Variants in ARL15 observed in about 807,000 individuals in gnomAD.
The protein encoded by ARL15 is ADP-ribosylation factor-like protein 15.
Under a neutral mutation model 25.2 loss-of-function variants are expected in ARL15, and 19 were observed. The observed-to-expected ratio is 0.75, with a 90% CI of 0.53 to 1.10. ARL15 has a LOEUF of 1.10. Among genes scored for constraint, ARL15 ranks in the 50% least tolerant of loss-of-function variants. ARL15 has a pLI of 0.00. For missense variants in ARL15, 220 were observed against 246.0 expected, an observed-to-expected ratio of 0.89 and a Z score of 0.71; for synonymous variants, 94 against 86.8, an observed-to-expected ratio of 1.08 and a Z score of -0.46.
chr5:53,916,427 G>T (rs969818494), intron 4 of ARL15, among the ~76,000 whole-genome samples: 1 of 111,566 alleles, frequency 9.0e-6, no homozygotes, highest in Non-Finnish European at 1.9e-5. Flanking sequence ...GTGACAAAAT[G>T]ATTTGTACAC....
rs1580048842 is a variant in ARL15, at chr5:53,886,015, T to C, written c.*546A>G. 6.6e-6 allele frequency: 1 copy of C among 151,252 alleles called. No homozygotes were observed. Among genetic ancestry groups the C allele is most frequent in the Non-Finnish European group, 1.5e-5 (1 of 67,926 alleles). 9.4% of individuals were successfully genotyped at this position (151,252 alleles called of 1,614,324 possible). A position where few individuals can be genotyped will look rare whatever the true frequency, so the allele number is the denominator to read the frequency against. ...GGCAGGATATTCCTTCCTGATAAGG[T>C]GATTAATGAAGTTTTTGGTGCTCAC... On this transcript the variant is annotated 3_prime_UTR_variant, in exon 5 of 5. Transcript: ENST00000504924.
chr5:53,893,497 C>A (rs538030120), intron 4 of ARL15, among the ~76,000 whole-genome samples: 15 of 152,066 alleles, frequency 9.9e-5, no homozygotes, highest in African/African-American at 2.9e-4. Context: ...AGTCCCAGCT[C>A]CTCGGGAGGC....
At chr5:54,123,286 T>C (rs1259171005) in intron 3 of ARL15, among the ~76,000 whole-genome samples, 2 of 152,212 alleles carry the variant, frequency 1.3e-5, no homozygotes, top group East Asian at 1.9e-4. Context: ...ATTTTTTGTA[T>C]TTTTAGTAGA....
chr5:54,000,231 C>A (rs1748809300), intron 4 of ARL15, among the ~76,000 whole-genome samples: 7 of 152,140 alleles, frequency 4.6e-5, no homozygotes, highest in Admixed American at 4.6e-4. Context: ...CAGATTCTCT[C>A]CCCTGACTAT....
intron 2 of ARL15, among the ~76,000 whole-genome samples, chr5:54,155,680 T>TCACACACACACACACACACACACA (rs58416810): frequency 4.7e-5 from 7 of 149,938 alleles, no homozygotes; most frequent in Admixed American, 1.3e-4. Context: ...ATATACCCAT[T>TCACACACACACACACACACACACA]CACACACACA....
chr5:53,970,953 A>G (rs1424584910), intron 4 of ARL15, among the ~76,000 whole-genome samples: 4 of 152,212 alleles, frequency 2.6e-5, no homozygotes, highest in Non-Finnish European at 4.4e-5. Flanking sequence ...TAGTTGGGAG[A>G]CATTTCACTT....
At chr5:54,094,040 G>A (rs1189749392) in intron 4 of ARL15, among the ~76,000 whole-genome samples, 2 of 152,100 alleles carry the variant, frequency 1.3e-5, no homozygotes, top group Admixed American at 1.3e-4. Flanking sequence ...CAGATGAAAG[G>A]CATTTCAGAT....
At position 54,186,871 on chromosome 5, in the gene ARL15, C is replaced by CTT. The variant is rs562016960; in HGVS notation, c.49-14945_49-14944dup. 5.5e-3 allele frequency among the ~76,000 whole-genome samples: 751 copies of CTT among 135,864 alleles called. 12 individuals carry two copies. The highest frequency in any genetic ancestry group is 0.015 in the African/African-American group (539 of 36,666). The allele number at this position is 135,864 out of a possible 152,430, so 89.1% of individuals were successfully genotyped here. A position where few individuals can be genotyped will look rare whatever the true frequency, so the allele number is the denominator to read the frequency against. ...TAGAATAAAGTCTCAGTAGCATCGACTTTTTTTTTTTTTTTTTGTCAAACA... is the reference window on the plus strand; with the variant it reads ...TAGAATAAAGTCTCAGTAGCATCGACTTTTTTTTTTTTTTTTTTTGTCAAACA... On this transcript the variant is annotated intron_variant, in intron 1 of 4. Coordinates refer to ENST00000504924, the MANE Select transcript of ARL15 (RefSeq NM_019087.3).
intron 2 of ARL15, among the ~76,000 whole-genome samples, chr5:54,170,949 G>GCT (rs1459970245): frequency 6.6e-6 from 1 of 152,056 alleles, no homozygotes; most frequent in African/African-American, 2.4e-5. Flanking sequence ...TTCCTTCTCA[G>GCT]CTCTCTCTGC....
intron 4 of ARL15, among the ~76,000 whole-genome samples, chr5:54,018,130 C>A (rs919572131): frequency 6.6e-6 from 1 of 152,108 alleles, no homozygotes; most frequent in African/African-American, 2.4e-5. Flanking sequence ...CCAACTGTAC[C>A]GCCAAGTTTA....
chr5:53,920,208 A>T (rs1745800446), intron 4 of ARL15, among the ~76,000 whole-genome samples: 1 of 152,098 alleles, frequency 6.6e-6, no homozygotes, highest in South Asian at 2.1e-4. Flanking sequence ...CCAAATTATT[A>T]TTTTATTTTT....
At chr5:53,972,688 T>C (rs1383115305) in intron 4 of ARL15, among the ~76,000 whole-genome samples, 1 of 152,194 alleles carries the variant, frequency 6.6e-6, no homozygotes, top group Non-Finnish European at 1.5e-5. Context: ...TGTCTTATTA[T>C]TATACAGGTT....
Position 54,017,621 on chromosome 5 carries a change from G to GCAA in ARL15, c.462+95578_462+95580dup, listed in dbSNP as rs59853568. 6.1e-3 allele frequency among the ~76,000 whole-genome samples: 899 copies of GCAA among 146,628 alleles called. 14 individuals are homozygous for GCAA. Among genetic ancestry groups the GCAA allele is most frequent in the African/African-American group, 0.021 (830 of 39,836 alleles). ...AAAAAAAAACCCAAACCAAACCAAA[G>GCAA]CAACAACAACAACAACAACAAAAAC... On this transcript the variant is annotated intron_variant, in intron 4 of 4. Coordinates refer to ENST00000504924, the MANE Select transcript of ARL15 (RefSeq NM_019087.3).
rs192694638 is a variant in ARL15, at chr5:53,984,197, T to C, written c.463-97484A>G. On this transcript the variant is annotated intron_variant, in intron 4 of 4. Coordinates refer to ENST00000504924, the MANE Select transcript of ARL15 (RefSeq NM_019087.3). Reference sequence around the variant, plus strand: ...CTCATTCTCAAAGCCTGCTGTCTTTTATATGCTCTCCAGTTCTTTGTTTGG... The same window carrying C: ...CTCATTCTCAAAGCCTGCTGTCTTTCATATGCTCTCCAGTTCTTTGTTTGG... 3.9e-5 allele frequency among the ~76,000 whole-genome samples: 6 copies of C among 152,362 alleles called. No homozygotes were observed. The East Asian group carries it at 9.6e-4, about 24-fold the overall frequency.
intron 3 of ARL15, among the ~76,000 whole-genome samples, chr5:54,119,549 A>G (rs1173457964): frequency 1.3e-5 from 2 of 152,072 alleles, no homozygotes; most frequent in East Asian, 3.9e-4. Flanking sequence ...TTATATCACT[A>G]CTCTGCTCAA....
intron 4 of ARL15, among the ~76,000 whole-genome samples, chr5:53,979,309 G>A (rs1748043830): frequency 6.6e-6 from 1 of 152,154 alleles, no homozygotes; most frequent in Non-Finnish European, 1.5e-5. Flanking sequence ...AAGGTGAGTG[G>A]ATTGCTTGAG....
At chr5:54,004,751 G>A (rs935291215) in intron 4 of ARL15, among the ~76,000 whole-genome samples, 9 of 151,830 alleles carry the variant, frequency 5.9e-5, no homozygotes, top group African/African-American at 2.2e-4. Context: ...GTAGGGGTAC[G>A]AGCATCTGCG....
At chr5:54,152,667 C>A (rs1395528230) in intron 3 of ARL15, among the ~76,000 whole-genome samples, 1 of 152,226 alleles carries the variant, frequency 6.6e-6, no homozygotes, top group African/African-American at 2.4e-5. Context: ...AATGTATCTG[C>A]TCTGATCCCT....
chr5:54,234,729 A>T (rs536576741), intron 1 of ARL15, among the ~76,000 whole-genome samples: 5 of 152,246 alleles, frequency 3.3e-5, no homozygotes, highest in African/African-American at 4.8e-5. Flanking sequence ...TCTGTGTCAA[A>T]AAAGAGTAAA....
Sources: gnomAD v4.1 joint callset for allele counts (sites outside exome capture counted in the v4.1 genomes callset) on GRCh38, gnomAD v4.1.1 for gene constraint, MANE v1.5 for transcripts, NCBI Gene and HGNC (gene_info 2026-07-23, HGNC 2026-07-21) for gene names.